Variants in NEK7 observed in about 807,000 individuals in gnomAD.
NEK7 encodes serine/threonine-protein kinase Nek7.
A neutral mutation model predicts 44.6 loss-of-function variants in NEK7; 18 were observed. The ratio of observed to expected loss-of-function variants is 0.40; its 90% CI spans 0.28 to 0.60. The LOEUF (loss-of-function observed/expected upper bound fraction) is 0.60. NEK7 is among the 20% of genes least tolerant of loss of function. The probability of loss-of-function intolerance (pLI) is 0.38; values close to 1 mark genes in which losing one functional copy is unlikely to be tolerated. For missense variants in NEK7, 256 were observed against 366.5 expected, an observed-to-expected ratio of 0.70 and a Z score of 2.46; for synonymous variants, 130 against 121.1, an observed-to-expected ratio of 1.07 and a Z score of -0.48.
At chr1:198,314,719 G>C (rs977909712) in intron 9 of NEK7, among the ~76,000 whole-genome samples, 1 of 152,180 alleles carries the variant, frequency 6.6e-6, no homozygotes, top group Non-Finnish European at 1.5e-5. Context: ...GCCCCTGCAG[G>C]GGGGTGCCTC....
At chr1:198,174,613 T>C (rs1262868978) in intron 1 of NEK7, among the ~76,000 whole-genome samples, 1 of 152,200 alleles carries the variant, frequency 6.6e-6, no homozygotes, top group African/African-American at 2.4e-5. Context: ...AAAAGTTCAT[T>C]GCAGAGGACA....
chr1:198,283,520 G>C (rs114242154), intron 7 of NEK7, among the ~76,000 whole-genome samples: 1,988 of 151,998 alleles, frequency 0.013, 37 homozygotes, highest in African/African-American at 0.045. Context: ...GTTTTTACAC[G>C]AAGTTATGTT....
intron 3 of NEK7, among the ~76,000 whole-genome samples, chr1:198,254,893 G>A (rs777590962): frequency 9.9e-5 from 15 of 152,136 alleles, no homozygotes; most frequent in Admixed American, 2.0e-4. Context: ...CTTTTGGAAC[G>A]ATTATTCCCT....
At chr1:198,237,159 C>T (rs1162392118) in intron 2 of NEK7, among the ~76,000 whole-genome samples, 1 of 152,004 alleles carries the variant, frequency 6.6e-6, no homozygotes, top group Non-Finnish European at 1.5e-5. Flanking sequence ...CTTAATGGTC[C>T]CTCTATTGAT....
At chr1:198,205,070 G>A (rs1050118720) in intron 1 of NEK7, among the ~76,000 whole-genome samples, 2 of 152,024 alleles carry the variant, frequency 1.3e-5, no homozygotes, top group African/African-American at 4.8e-5. Context: ...CTTCCACTAA[G>A]TAATCATTCA....
intron 1 of NEK7, among the ~76,000 whole-genome samples, chr1:198,197,228 T>A (rs542726215): frequency 6.6e-6 from 1 of 152,344 alleles, no homozygotes; most frequent in Admixed American, 6.5e-5. Flanking sequence ...ATATTGCAGT[T>A]TCATTAGTTT....
intron 9 of NEK7, among the ~76,000 whole-genome samples, chr1:198,304,731 T>C (rs888759001): frequency 3.3e-5 from 5 of 152,194 alleles, no homozygotes; most frequent in Admixed American, 6.5e-5. Context: ...CCTATTTGCT[T>C]TGATATCTCT....
chr1:198,312,308 A>G (rs9726781), intron 9 of NEK7, among the ~76,000 whole-genome samples: 9,433 of 146,018 alleles, frequency 0.065, 276 homozygotes, highest in East Asian at 0.15. Context: ...TTTTTATTGC[A>G]TCTATTTGAT....
intron 1 of NEK7, among the ~76,000 whole-genome samples, chr1:198,227,512 A>T (rs1424518930): frequency 6.6e-6 from 1 of 152,188 alleles, no homozygotes; most frequent in African/African-American, 2.4e-5. Flanking sequence ...CTATTTCTCC[A>T]CATCCTCTCC....
At chr1:198,263,574 A>T in intron 4 of NEK7, among the ~76,000 whole-genome samples, 1 of 151,812 alleles carries the variant, frequency 6.6e-6, no homozygotes, top group Non-Finnish European at 1.5e-5. Flanking sequence ...ACAAGGTAAA[A>T]TTTTTCTTAG....
At chr1:198,267,024 C>T (rs746337317) in intron 5 of NEK7, among the ~76,000 whole-genome samples, 1 of 152,016 alleles carries the variant, frequency 6.6e-6, no homozygotes, top group Non-Finnish European at 1.5e-5. Flanking sequence ...TGTTACTGTT[C>T]TCTCCTCCTT....
chr1:198,227,249 T>A (rs1666253801), intron 1 of NEK7, among the ~76,000 whole-genome samples: 1 of 152,240 alleles, frequency 6.6e-6, no homozygotes, highest in Non-Finnish European at 1.5e-5. Flanking sequence ...GTGCCACATT[T>A]TCTTAATCCA....
At chr1:198,276,569 A>G (rs1222596829) in intron 5 of NEK7, among the ~76,000 whole-genome samples, 3 of 151,732 alleles carry the variant, frequency 2.0e-5, no homozygotes, top group African/African-American at 7.2e-5. Flanking sequence ...GAAACATGAT[A>G]TGGGAGGTTT....
chr1:198,207,778 A>G (rs138007564), intron 1 of NEK7, among the ~76,000 whole-genome samples: 1 of 152,326 alleles, frequency 6.6e-6, no homozygotes, highest in East Asian at 1.9e-4. Context: ...GAGTTTGTCA[A>G]ACTTCTAGAA....
chr1:198,256,357 A>C (rs1456523016), intron 3 of NEK7: 1 of 1,610,862 alleles, frequency 6.2e-7, no homozygotes, highest in East Asian at 2.2e-5. Context: ...GGGAAAGAAG[A>C]GTGTGTGCGC....
At chr1:198,203,233 T>C (rs113315424) in intron 1 of NEK7, among the ~76,000 whole-genome samples, 3,532 of 152,338 alleles carry the variant, frequency 0.023, 61 homozygotes, top group African/African-American at 0.047. Context: ...GGCTTAGGGC[T>C]GCATTTCTCA....
At chr1:198,305,583 T>C (rs12083719) in intron 9 of NEK7, among the ~76,000 whole-genome samples, 51,569 of 151,992 alleles carry the variant, frequency 0.34, 9,861 homozygotes, top group East Asian at 0.8. Context: ...TGACAAAAAT[T>C]AACTATATTT....
chr1:198,227,051 A>G (rs1228791348), intron 1 of NEK7, among the ~76,000 whole-genome samples: 7 of 151,746 alleles, frequency 4.6e-5, no homozygotes, highest in Admixed American at 4.6e-4. Context: ...CCAGTGTGTG[A>G]TGTTCCCCTT....
intron 1 of NEK7, among the ~76,000 whole-genome samples, chr1:198,210,259 GT>G (rs1665723126): frequency 6.6e-6 from 1 of 152,046 alleles, no homozygotes; most frequent in Non-Finnish European, 1.5e-5. Flanking sequence ...ATGCCCAGCT[GT>G]TTTGTGTGTG....
Sources: allele counts gnomAD v4.1 joint callset (sites outside exome capture counted in the v4.1 genomes callset), GRCh38; gene constraint gnomAD v4.1.1; transcripts MANE v1.5; gene names NCBI Gene and HGNC (gene_info 2026-07-23, HGNC 2026-07-21).